Variants in CDH4 observed in about 807,000 individuals in gnomAD.
CDH4 encodes cadherin 4.
In CDH4, 33 loss-of-function variants were observed where a neutral mutation model predicts 86.0. That is an observed-to-expected ratio of 0.38 (90% CI 0.29 to 0.51). CDH4 has a LOEUF of 0.51. Ranked by LOEUF, CDH4 falls within the 20% of genes least tolerant of loss-of-function variation. The pLI is 0.86. For missense variants in CDH4, 1,114 were observed against 1,307.4 expected (o/e 0.85, Z 2.28); for synonymous variants, 555 against 549.4 (o/e 1.01, Z -0.14).
chr20:61,785,543 G>C (rs80049650), intron 4 of CDH4, among the ~76,000 whole-genome samples: 8,265 of 152,220 alleles, frequency 0.054, 719 homozygotes, highest in African/African-American at 0.19. Flanking sequence ...ACCCCACCAG[G>C]TGCACAGAGC....
intron 2 of CDH4, among the ~76,000 whole-genome samples, chr20:61,505,945 G>T (rs977297900): frequency 3.9e-5 from 6 of 152,186 alleles, no homozygotes; most frequent in Non-Finnish European, 7.4e-5. Flanking sequence ...AGACATGCAG[G>T]AATCTGCCAG....
intron 9 of CDH4, among the ~76,000 whole-genome samples, chr20:61,912,969 A>G (rs141805460): frequency 1.3e-5 from 2 of 152,312 alleles, no homozygotes; most frequent in Non-Finnish European, 2.9e-5. Flanking sequence ...ACTGGATGTG[A>G]CATGCAGGCA....
intron 2 of CDH4, among the ~76,000 whole-genome samples, chr20:61,528,412 G>C (rs1222169527): frequency 8.1e-6 from 1 of 123,638 alleles, no homozygotes; most frequent in African/African-American, 3.0e-5. Context: ...GAGGGGAGGG[G>C]GGTGGAGGGG....
intron 2 of CDH4, among the ~76,000 whole-genome samples, chr20:61,404,194 T>C (rs1459966215): frequency 6.6e-6 from 1 of 152,090 alleles, no homozygotes; most frequent in African/African-American, 2.4e-5. Context: ...CACCACCACC[T>C]GTCCCAGGGC....
At chr20:61,339,102 A>G (rs570583533) in intron 2 of CDH4, among the ~76,000 whole-genome samples, 4 of 152,332 alleles carry the variant, frequency 2.6e-5, no homozygotes, top group African/African-American at 9.6e-5. Flanking sequence ...TCTCTAACAT[A>G]TTAGTATGTA....
In CDH4 at chr20:61,672,639, G is replaced by A. The variant is rs140401777; in HGVS notation, c.170-70924G>A. Among the ~76,000 whole-genome samples, 153 of 152,332 alleles carry A rather than the reference G, an allele frequency of 1.0e-3. 2 individuals carry two copies. The highest frequency in any genetic ancestry group is 6.8e-3 in the Middle Eastern group (2 of 294). ...CCTGAGACCACGGGAGGGGCAGCAA[G>A]TCTGAGCCGAGTCTCTGGGGTGGAC... On this transcript the variant is annotated intron_variant, in intron 2 of 15. Coordinates refer to ENST00000614565, the MANE Select transcript of CDH4 (RefSeq NM_001794.5).
chr20:61,619,898 G>A (rs1039588371), intron 2 of CDH4, among the ~76,000 whole-genome samples: 3 of 152,222 alleles, frequency 2.0e-5, no homozygotes, highest in Non-Finnish European at 4.4e-5. Context: ...CCTGACGGCC[G>A]AGCATCAGCG....
chr20:61,875,850 A>C (rs2146152845), intron 7 of CDH4, among the ~76,000 whole-genome samples: 1 of 152,248 alleles, frequency 6.6e-6, no homozygotes, highest in South Asian at 2.1e-4. Flanking sequence ...GATGTACAGG[A>C]ACCAGATACC....
intron 8 of CDH4, among the ~76,000 whole-genome samples, chr20:61,899,663 G>A (rs557169405): frequency 2.6e-5 from 4 of 152,240 alleles, no homozygotes; most frequent in East Asian, 1.9e-4. Flanking sequence ...TCCTGACCTC[G>A]TGATCCGCCC....
intron 2 of CDH4, among the ~76,000 whole-genome samples, chr20:61,314,415 G>A (rs568303721): frequency 2.0e-4 from 30 of 152,268 alleles, no homozygotes; most frequent in African/African-American, 7.2e-4. Flanking sequence ...GTGTCCTCCA[G>A]TTTCATCCAT....
At chr20:61,277,121 T>C (rs553202967) in intron 2 of CDH4, among the ~76,000 whole-genome samples, 46 of 152,112 alleles carry the variant, frequency 3.0e-4, no homozygotes, top group Non-Finnish European at 5.9e-4. Context: ...CCTCATGTGT[T>C]CCTTTGTTTT....
At chr20:61,650,263 G>A (rs544042785) in intron 2 of CDH4, among the ~76,000 whole-genome samples, 29 of 152,166 alleles carry the variant, frequency 1.9e-4, no homozygotes, top group Non-Finnish European at 3.8e-4. Context: ...TCTGGTCACC[G>A]CTGACCTCGT....
Position 61,719,152 on chromosome 20 carries a change from C to A in CDH4, c.170-24411C>A, listed in dbSNP as rs759131302. ...GCCAAATGGCTTTGCATCTGAAAGC[C>A]ACACATAATTGTCAGCATCCATGGG... On this transcript the variant is annotated intron_variant, in intron 2 of 15. Transcript: ENST00000614565. 2 of 470,070 alleles carry A rather than the reference C, an allele frequency of 4.3e-6. 1 individual carries two copies. Among genetic ancestry groups the A allele is most frequent in the Non-Finnish European group, 8.8e-6 (2 of 226,424 alleles). 29.1% of individuals were successfully genotyped at this position (470,070 alleles called of 1,614,324 possible). A position where few individuals can be genotyped will look rare whatever the true frequency, so the allele number is the denominator to read the frequency against.
chr20:61,411,459 T>C (rs1423519159), intron 2 of CDH4, among the ~76,000 whole-genome samples: 1 of 151,524 alleles, frequency 6.6e-6, no homozygotes, highest in African/African-American at 2.4e-5. Flanking sequence ...CCAAACTCTC[T>C]CATCTTTTTT....
chr20:61,765,917 T>G (rs866301041), intron 3 of CDH4, among the ~76,000 whole-genome samples: 1 of 152,054 alleles, frequency 6.6e-6, no homozygotes, highest in African/African-American at 2.4e-5. Context: ...AGCAGTCACC[T>G]GGCCAGGTGG....
intron 4 of CDH4, among the ~76,000 whole-genome samples, chr20:61,787,608 G>A (rs1381790005): frequency 6.6e-6 from 1 of 152,206 alleles, no homozygotes; most frequent in East Asian, 1.9e-4. Context: ...GGGTACAGAG[G>A]CTACAACAGG....
intron 8 of CDH4, among the ~76,000 whole-genome samples, chr20:61,898,620 G>C (rs549486953): frequency 2.0e-5 from 3 of 150,086 alleles, no homozygotes; most frequent in African/African-American, 7.5e-5. Flanking sequence ...GCTCACGGAG[G>C]GGGGGTCCCC....
At chr20:61,261,108 A>G (rs911301030) in intron 2 of CDH4, among the ~76,000 whole-genome samples, 2 of 152,144 alleles carry the variant, frequency 1.3e-5, no homozygotes, top group Admixed American at 6.5e-5. Flanking sequence ...AGCTGTGGTC[A>G]GTGGCCCTGC....
intron 2 of CDH4, among the ~76,000 whole-genome samples, chr20:61,255,661 T>C (rs867273049): frequency 9.9e-5 from 15 of 152,246 alleles, no homozygotes; most frequent in Non-Finnish European, 1.3e-4. Flanking sequence ...TTCAAAGCGA[T>C]AGAGGAAGAG....
Sources: allele counts gnomAD v4.1 joint callset (sites outside exome capture counted in the v4.1 genomes callset), GRCh38; gene constraint gnomAD v4.1.1; transcripts MANE v1.5; gene names NCBI Gene and HGNC (gene_info 2026-07-23, HGNC 2026-07-21).